CYP17A1: variants seen among roughly 807,000 people sequenced by gnomAD.
CYP17A1 encodes cytochrome P450 family 17 subfamily A member 1.
In CYP17A1, 27 loss-of-function variants were observed where a neutral mutation model predicts 38.5. The ratio of observed to expected loss-of-function variants is 0.70; its 90% confidence interval spans 0.52 to 0.97. CYP17A1 has a LOEUF of 0.97. Ranked by LOEUF, CYP17A1 falls within the 50% of genes least tolerant of loss-of-function variation. The probability of loss-of-function intolerance (pLI) is 0.00; values close to 1 mark genes in which losing one functional copy is unlikely to be tolerated. For synonymous variants in CYP17A1, 263 were observed against 253.3 expected, an observed-to-expected ratio of 1.04 and a Z score of -0.36; for missense variants, 549 against 645.9, an observed-to-expected ratio of 0.85 and a Z score of 1.63.
Position 102,837,257 on chromosome 10 carries a change from G to C in CYP17A1, c.105C>G (p.Pro35=). The change falls in exon 1 of 8, where the codon CCC becomes CCG. Residue 35 remains proline (P), a synonymous_variant. Coordinates refer to ENST00000369887, the MANE Select transcript of CYP17A1 (RefSeq NM_000102.4). ...GGAGGAATGGCAGGCTGCCCACCAG[G>C]GGCAGGGACAGGAGGCTCTTGGGGT... ...AKYPKSLLSL[P]LVGSLPFLPR... is the part of the protein sequence containing the mutation. The C allele has an allele frequency of 1.2e-6, 2 of 1,605,388 alleles. No individual in the cohort carries two copies. Among genetic ancestry groups the C allele is most frequent in the Non-Finnish European group, 1.7e-6 (2 of 1,172,044 alleles).
At chr10:102,832,941 A>G in intron 5 of CYP17A1, 52 bp downstream of exon 5, 1 of 1,604,066 alleles carries the variant, frequency 6.2e-7, no homozygotes, top group Non-Finnish European at 8.5e-7. Context: ...CTTTCTCTGG[A>G]GCCCAGAGAT....
rs1222216697 is a variant in CYP17A1 at position 102,831,396 on chromosome 10, G to A, written c.1243+112C>T. ...AGGGTGTCAACAGGTCCGTATAGTTGGAGCCAAGAGTTTTCTAGCAGCAAG... is the reference window on the plus strand; with the variant it reads ...AGGGTGTCAACAGGTCCGTATAGTTAGAGCCAAGAGTTTTCTAGCAGCAAG... On this transcript the variant is annotated intron_variant, in intron 7 of 7. Coordinates refer to ENST00000369887, the MANE Select transcript of CYP17A1 (RefSeq NM_000102.4). 2.4e-5 allele frequency: 37 copies of A among 1,525,870 alleles called. No individual in the cohort carries two copies. In the East Asian group the frequency reaches 8.9e-4, roughly 37 times the overall value. The allele number at this position is 1,525,870 out of a possible 1,614,324, so 94.5% of individuals were successfully genotyped here.
At position 102,830,743 on chromosome 10, in the gene CYP17A1, G is replaced by A. The variant is rs1250463562; in HGVS notation, c.1486C>T (p.Arg496Cys). The A allele has an allele frequency of 1.2e-6, 2 of 1,601,804 alleles. No individual in the cohort carries two copies. Among genetic ancestry groups the A allele is most frequent in the Non-Finnish European group, 1.7e-6 (2 of 1,171,078 alleles). Residue 496 changes from arginine (R) to cysteine (C), a missense_variant, in exon 8 of 8, where the codon CGC becomes TGC. By Grantham distance (180) the Arg-to-Cys change is radical. Around this residue, in one of 3 missense-constraint regions of CYP17A1, gnomAD observed 257 missense variants for 307.9 expected, o/e 0.83. Transcript: ENST00000369887. This position sits in a 1 kb window ranked among gnomAD's most constrained non-coding sequence, Gnocchi z 4.1. ...IDSFKVKIKVRQAWREAQAEG... is the reference protein window; with the variant it reads ...IDSFKVKIKVCQAWREAQAEG... ...GCCTGGGCTTCCCTCCAGGCCTGGCGCACCTTGATCTTCACTTTGAAAGAG... is the reference window on the plus strand; with the variant it reads ...GCCTGGGCTTCCCTCCAGGCCTGGCACACCTTGATCTTCACTTTGAAAGAG...
chr10:102,834,876 T>G lies in CYP17A1; in HGVS notation c.575A>C (p.Asp192Ala). The G allele has an allele frequency of 1.9e-6, 3 of 1,613,824 alleles. No homozygotes were observed. The highest frequency in any genetic ancestry group is 1.1e-5 in the South Asian group (1 of 91,060). The change falls in exon 3 of 8, where the codon GAC becomes GCC. Residue 192 changes from aspartate to alanine, a missense_variant. Coordinates refer to ENST00000369887, the MANE Select transcript of CYP17A1 (RefSeq NM_000102.4). ...ATTCTGTATGACATTCAACTCAGGG[T>G]CCCCATTCTTGTAGGAGGTATTGAA... ...ICFNTSYKNGDPELNVIQNYN... is the reference protein window; with the variant it reads ...ICFNTSYKNGAPELNVIQNYN...
At chr10:102,835,153 T>C (rs1348077414) in intron 2 of CYP17A1, 101 bp downstream of exon 2, 20 of 1,203,910 alleles carry the variant, frequency 1.7e-5, no homozygotes, top group Non-Finnish European at 2.0e-5. Flanking sequence ...AAAGGCTGCA[T>C]TGCGCTCTAG....
At chr10:102,835,668 C>G (rs913652705) in intron 1 of CYP17A1, 1 of 468,490 alleles carries the variant, frequency 2.1e-6, no homozygotes. Context: ...GTTCTTTTCG[C>G]TGACAGGGTG....
chr10:102,834,595 A>T, intron 3 of CYP17A1, 190 bp downstream of exon 3: 1 of 738,224 alleles, frequency 1.4e-6, no homozygotes, highest in Non-Finnish European at 2.3e-6. Context: ...TAAGGTGCAT[A>T]ATTAAAAGGC....
chr10:102,831,375 T>G (rs2911431), intron 7 of CYP17A1, 133 bp downstream of exon 7: 7 of 1,417,364 alleles, frequency 4.9e-6, no homozygotes, highest in Non-Finnish European at 9.6e-7. Flanking sequence ...AGGATGAGGG[T>G]GTCAACAGGT....
chr10:102,836,130 C>T (rs1844158550), intron 1 of CYP17A1, among the ~76,000 whole-genome samples: 1 of 152,006 alleles, frequency 6.6e-6, no homozygotes, highest in Admixed American at 6.6e-5. Context: ...GCTGATTGGT[C>T]CAAGAAAAAA....
chr10:102,830,753 C>T lies in CYP17A1; in HGVS notation c.1476G>A (p.Lys492=). ...VVFLIDSFKV[K]IKVRQAWREA... ...CCCTCCAGGCCTGGCGCACCTTGAT[C>T]TTCACTTTGAAAGAGTCGATCAGAA... The change falls in exon 8 of 8, where the codon AAG becomes AAA. Residue 492 remains lysine (K), a synonymous_variant. Transcript: ENST00000369887. The surrounding 1 kb of genome is among the most constrained non-coding windows in gnomAD (Gnocchi z 4.1). 6.2e-7 allele frequency: 1 copy of T among 1,605,224 alleles called. No individual in the cohort carries two copies.
Position 102,833,869 on chromosome 10 carries a change from G to A in CYP17A1, c.753+167C>T, listed in dbSNP as rs528607099. ...GGCCTCCCAAAGTGTTGGGATTACAGGCGTGAGCCACCGCGCCCAGCCCTT... is the reference window on the plus strand; with the variant it reads ...GGCCTCCCAAAGTGTTGGGATTACAAGCGTGAGCCACCGCGCCCAGCCCTT... On this transcript the variant is annotated intron_variant, in intron 4 of 7. Transcript: ENST00000369887. The A allele has an allele frequency of 4.6e-5, 27 of 588,958 alleles. No individual in the cohort carries two copies. In the East Asian group the frequency reaches 6.8e-4, roughly 15 times the overall value. 36.5% of individuals were successfully genotyped at this position (588,958 alleles called of 1,614,324 possible).
chr10:102,837,267 A>G lies in CYP17A1; in HGVS notation c.95T>C (p.Leu32Pro). 1 of 1,603,658 alleles carries G rather than the reference A, an allele frequency of 6.2e-7. No individual in the cohort carries two copies. Among genetic ancestry groups the G allele is most frequent in the Non-Finnish European group, 8.5e-7 (1 of 1,170,388 alleles). Residue 32 changes from leucine to proline, a missense_variant, in exon 1 of 8, where the codon CTG (leucine) becomes CCG (proline). Transcript: ENST00000369887. ...CAGGCTGCCCACCAGGGGCAGGGAC[A>G]GGAGGCTCTTGGGGTACTTGGCACC... ...CPGAKYPKSL[L>P]SLPLVGSLPF...
intron 1 of CYP17A1, 92 bp from the exon 2 acceptor site, chr10:102,835,484 G>T: frequency 9.0e-7 from 1 of 1,112,258 alleles, no homozygotes; most frequent in Non-Finnish European, 1.4e-6. Flanking sequence ...TCCTGGAGGA[G>T]AAGGCAGGTA....
chr10:102,833,308 C>T (rs1169459047), intron 4 of CYP17A1, 100 bp from the exon 5 acceptor site: 2 of 1,597,164 alleles, frequency 1.3e-6, no homozygotes. Context: ...AAGGCTCCTT[C>T]CACTTGGAAG....
chr10:102,830,929 G>A lies in CYP17A1; in HGVS notation c.1300C>T (p.Pro434Ser). The change falls in exon 8 of 8, where the codon CCC becomes TCC. Residue 434 changes from proline to serine, a missense_variant. Coordinates refer to ENST00000369887, the MANE Select transcript of CYP17A1 (RefSeq NM_000102.4). This position sits in a 1 kb window ranked among gnomAD's most constrained non-coding sequence, Gnocchi z 4.1. ...CAGGAGCGAGGTCCTGCTCCGAAGG[G>A]CAAATAGCTTACTGACGGTGAGATG... is the stretch of plus-strand genomic sequence containing the variant. ...QLISPSVSYL[P>S]FGAGPRSCIG... The A allele has an allele frequency of 6.3e-7, 1 of 1,575,098 alleles. No homozygotes were observed. Among genetic ancestry groups the A allele is most frequent in the South Asian group, 1.2e-5 (1 of 86,734 alleles).
chr10:102,832,298 C>A (rs897833328), intron 6 of CYP17A1, among the ~76,000 whole-genome samples: 1 of 151,978 alleles, frequency 6.6e-6, no homozygotes, highest in Non-Finnish European at 1.5e-5. Context: ...GGTCTTGAAC[C>A]CCTGACCTCA....
intron 1 of CYP17A1, 31 bp downstream of exon 1, chr10:102,837,034 A>AG: frequency 1.5e-6 from 2 of 1,370,580 alleles, no homozygotes; most frequent in Non-Finnish European, 2.1e-6. Context: ...GGGGTGGTGA[A>AG]GGGGGCAGGG....
At chr10:102,835,963 G>A (rs1054605818) in intron 1 of CYP17A1, among the ~76,000 whole-genome samples, 26 of 152,140 alleles carry the variant, frequency 1.7e-4, no homozygotes, top group African/African-American at 5.3e-4. Flanking sequence ...GGGCCGAGCC[G>A]CCTCCTCCTA....
At chr10:102,832,430 G>A (rs972561054) in intron 6 of CYP17A1, 81 bp downstream of exon 6, 16 of 932,336 alleles carry the variant, frequency 1.7e-5, no homozygotes, top group East Asian at 1.7e-4. Context: ...AGCAGGGGCC[G>A]GGGGTAGGGG....
Sources: gnomAD v4.1 joint callset for allele counts (sites outside exome capture counted in the v4.1 genomes callset) on GRCh38, gnomAD v4.1.1 for gene constraint, gnomAD v4.1.1 regional missense constraint, Gnocchi (gnomAD v3.1) non-coding constraint, MANE v1.5 for transcripts, NCBI Gene and HGNC (gene_info 2026-07-23, HGNC 2026-07-21) for gene names.